Variants in PTK2 observed in about 807,000 individuals in gnomAD.
PTK2 encodes protein tyrosine kinase 2.
In PTK2, 45 loss-of-function variants were observed where a neutral mutation model predicts 150.1. The ratio of observed to expected loss-of-function variants is 0.30; its 90% CI spans 0.24 to 0.38. The LOEUF is 0.38. Ranked by LOEUF, PTK2 falls within the 10% of genes least tolerant of loss-of-function variation. The probability of loss-of-function intolerance (pLI) is 1.00; values close to 1 mark genes in which losing one functional copy is unlikely to be tolerated. For synonymous variants in PTK2, 432 were observed against 449.2 expected, an observed-to-expected ratio of 0.96 and a Z score of 0.48; for missense variants, 919 against 1,307.3, an observed-to-expected ratio of 0.70 and a Z score of 4.58.
At chr8:140,794,604 C>T (rs1319351992) in intron 12 of PTK2, among the ~76,000 whole-genome samples, 1 of 152,182 alleles carries the variant, frequency 6.6e-6, no homozygotes, top group Non-Finnish European at 1.5e-5. Flanking sequence ...ATCACTCTGT[C>T]CTTCTGAGAG....
chr8:140,941,572 G>C (rs973649128), intron 1 of PTK2, among the ~76,000 whole-genome samples: 1 of 152,100 alleles, frequency 6.6e-6, no homozygotes, highest in African/African-American at 2.4e-5. Context: ...ACGAAAATTA[G>C]AACATACAAC....
At chr8:140,806,420 C>T (rs2100098237) in intron 10 of PTK2, among the ~76,000 whole-genome samples, 1 of 152,006 alleles carries the variant, frequency 6.6e-6, no homozygotes, top group African/African-American at 2.4e-5. Flanking sequence ...GTCGGAGGCG[C>T]CTTCCAACAG....
Position 140,730,167 on chromosome 8 carries a change from G to GTA in PTK2, c.2030+5083_2030+5084insTA, listed in dbSNP as rs147480972. Among the ~76,000 whole-genome samples, 681 of 151,368 alleles carry GTA rather than the reference G, an allele frequency of 4.5e-3. 4 individuals carry two copies. The highest frequency in any genetic ancestry group is 0.016 in the African/African-American group (646 of 41,270). On this transcript the variant is annotated intron_variant, in intron 22 of 31. Transcript: ENST00000522684. ...TGGACTGCTTTCCAAGGTGATACTT[G>GTA]AGACTGGTGTTCTTTAGAACATAAA...
At chr8:140,925,389 A>G (rs2100169077) in intron 2 of PTK2, among the ~76,000 whole-genome samples, 1 of 152,324 alleles carries the variant, frequency 6.6e-6, no homozygotes, top group Non-Finnish European at 1.5e-5. Context: ...TAACTTTAGA[A>G]TGTCAGGTAT....
intron 10 of PTK2, among the ~76,000 whole-genome samples, chr8:140,805,690 C>T (rs2100097785): frequency 6.6e-6 from 1 of 152,122 alleles, no homozygotes; most frequent in Admixed American, 6.5e-5. Flanking sequence ...CAGCTCCAAA[C>T]ATCCAGAATT....
chr8:140,775,439 C>T (rs1004881853), intron 14 of PTK2, among the ~76,000 whole-genome samples: 4 of 152,046 alleles, frequency 2.6e-5, no homozygotes, highest in African/African-American at 9.7e-5. Flanking sequence ...GAGCCAAGAT[C>T]ACGCCACTGC....
At chr8:140,816,763 G>T (rs932939490) in intron 10 of PTK2, among the ~76,000 whole-genome samples, 4 of 152,180 alleles carry the variant, frequency 2.6e-5, no homozygotes, top group Admixed American at 2.0e-4. Context: ...GAATAACTTT[G>T]TATCTATTAA....
chr8:140,854,570 G>C (rs1184963868), intron 5 of PTK2, among the ~76,000 whole-genome samples: 4 of 151,934 alleles, frequency 2.6e-5, no homozygotes, highest in African/African-American at 9.7e-5. Context: ...ATAAATTCCT[G>C]CTCTATATAC....
chr8:140,902,942 T>TTTG (rs1568518270), intron 2 of PTK2, among the ~76,000 whole-genome samples: 1 of 131,958 alleles, frequency 7.6e-6, no homozygotes, highest in Non-Finnish European at 1.6e-5. Context: ...TTTTTTTTTT[T>TTTG]TTTTTTTTTT....
chr8:140,748,373 G>A (rs1449787249), intron 17 of PTK2, among the ~76,000 whole-genome samples: 3 of 151,872 alleles, frequency 2.0e-5, no homozygotes, highest in Admixed American at 6.6e-5. Flanking sequence ...TGTGCCTGTA[G>A]TCCCAGCTAC....
Position 140,828,358 on chromosome 8 carries a change from G to A in PTK2, c.648+2114C>T, listed in dbSNP as rs913288731. ...CCAGTCCTCTACCGAACCTCTTTGG[G>A]CACCTGTCTCACTCTGGCTACACTC... On this transcript the variant is annotated intron_variant, in intron 8 of 31. Transcript: ENST00000522684. 1.6e-4 allele frequency among the ~76,000 whole-genome samples: 25 copies of A among 152,162 alleles called. 1 individual carries two copies. The highest frequency in any genetic ancestry group is 1.6e-3 in the Admixed American group (24 of 15,280).
chr8:140,914,466 G>A (rs2100164403), intron 2 of PTK2, among the ~76,000 whole-genome samples: 2 of 151,224 alleles, frequency 1.3e-5, no homozygotes, highest in African/African-American at 2.4e-5. Context: ...TACACATGAA[G>A]GTTTGTTATA....
At chr8:140,789,277 T>C (rs550527936) in intron 14 of PTK2, among the ~76,000 whole-genome samples, 197 bp downstream of exon 14, 2 of 144,538 alleles carry the variant, frequency 1.4e-5, no homozygotes, top group African/African-American at 2.6e-5. Context: ...CTATGTCCCA[T>C]CTTAAAAAAA....
chr8:140,829,804 A>AC (rs919946063), intron 8 of PTK2, among the ~76,000 whole-genome samples: 4 of 152,102 alleles, frequency 2.6e-5, no homozygotes, highest in Non-Finnish European at 5.9e-5. Context: ...CAGGCCCAAG[A>AC]CCCTGAGGCT....
intron 30 of PTK2, among the ~76,000 whole-genome samples, chr8:140,666,092 C>T (rs2152872455): frequency 6.6e-6 from 1 of 152,300 alleles, no homozygotes; most frequent in African/African-American, 2.4e-5. Flanking sequence ...AATCCCAGGA[C>T]TTTGGGAGGC....
chr8:140,896,795 G>GGT (rs1232048642), intron 2 of PTK2, among the ~76,000 whole-genome samples: 2 of 126,448 alleles, frequency 1.6e-5, no homozygotes, highest in African/African-American at 5.1e-5. Context: ...AAACGGGGGG[G>GGT]GGGGGTGGGT....
At chr8:140,939,909 G>A (rs1337130906) in intron 1 of PTK2, among the ~76,000 whole-genome samples, 3 of 152,146 alleles carry the variant, frequency 2.0e-5, no homozygotes, top group Non-Finnish European at 2.9e-5. Context: ...AAATCTAGGC[G>A]AAGTGCCAAA....
At chr8:140,677,019 AC>A (rs2100014333) in intron 27 of PTK2, among the ~76,000 whole-genome samples, 1 of 151,850 alleles carries the variant, frequency 6.6e-6, no homozygotes, top group Non-Finnish European at 1.5e-5. Flanking sequence ...AAAAGCCCAG[AC>A]TTCACCACTA....
chr8:140,956,463 C>A (rs1437419907), intron 1 of PTK2, among the ~76,000 whole-genome samples: 2 of 152,232 alleles, frequency 1.3e-5, no homozygotes, highest in Non-Finnish European at 2.9e-5. Context: ...TGTACAGTAC[C>A]TAACACTTGA....
Sources: allele counts gnomAD v4.1 joint callset (sites outside exome capture counted in the v4.1 genomes callset), GRCh38; gene constraint gnomAD v4.1.1; transcripts MANE v1.5; gene names NCBI Gene and HGNC (gene_info 2026-07-23, HGNC 2026-07-21).